Variants in KCNH8 observed in about 807,000 individuals in gnomAD.
KCNH8 encodes potassium voltage-gated channel subfamily H member 8.
A neutral mutation model predicts 103.6 loss-of-function variants in KCNH8; 70 were observed. The observed-to-expected ratio is 0.68, with a 90% CI of 0.56 to 0.82. The LOEUF is 0.82. KCNH8 is among the 40% of genes least tolerant of loss of function. The pLI is 0.00. For synonymous variants in KCNH8, 498 were observed against 489.4 expected, an observed-to-expected ratio of 1.02 and a Z score of -0.23; for missense variants, 1,217 against 1,329.9, an observed-to-expected ratio of 0.92 and a Z score of 1.32.
chr3:19,149,633 A>G (rs954546372), intron 1 of KCNH8, among the ~76,000 whole-genome samples: 4 of 152,080 alleles, frequency 2.6e-5, no homozygotes, highest in African/African-American at 9.7e-5. Flanking sequence ...TCTCTACTTG[A>G]CCCTGTGGAT....
At chr3:19,491,838 G>C (rs1474624982) in intron 11 of KCNH8, among the ~76,000 whole-genome samples, 2 of 152,116 alleles carry the variant, frequency 1.3e-5, no homozygotes, top group South Asian at 2.1e-4. Context: ...GCCAGCATCT[G>C]TTTTTTGACT....
chr3:19,236,093 A>C (rs147988007), intron 1 of KCNH8, among the ~76,000 whole-genome samples: 1 of 152,296 alleles, frequency 6.6e-6, no homozygotes, highest in South Asian at 2.1e-4. Context: ...TTAGACCTTT[A>C]AATAGTATAT....
chr3:19,452,063 A>C (rs1421800536), intron 10 of KCNH8, among the ~76,000 whole-genome samples: 4 of 152,132 alleles, frequency 2.6e-5, no homozygotes. Context: ...TGAAAATCTT[A>C]TTTACAATTT....
In KCNH8 at chr3:19,450,096, T is replaced by C; in HGVS notation, c.1376-10T>C. 3 of 1,612,018 alleles carry C rather than the reference T, an allele frequency of 1.9e-6. No homozygotes were observed. Among genetic ancestry groups the C allele is most frequent in the Non-Finnish European group, 2.5e-6 (3 of 1,178,502 alleles). On this transcript the variant is annotated splice_polypyrimidine_tract_variant and intron_variant, in intron 8 of 15. Coordinates refer to ENST00000328405, the MANE Select transcript of KCNH8 (RefSeq NM_144633.3). ...TTCTCTTCCATTATATACTGTGTTG[T>C]TCTTTCTAGCCTTGATGCACGCCTT...
chr3:19,520,613 A>G (rs1249044286), intron 15 of KCNH8, among the ~76,000 whole-genome samples: 1 of 152,010 alleles, frequency 6.6e-6, no homozygotes, highest in Non-Finnish European at 1.5e-5. Flanking sequence ...ATTTTCTACT[A>G]GTAACATGTG....
chr3:19,238,935 G>A (rs1242094529), intron 1 of KCNH8, among the ~76,000 whole-genome samples: 1 of 152,080 alleles, frequency 6.6e-6, no homozygotes, highest in Non-Finnish European at 1.5e-5. Flanking sequence ...AAATTTTAAA[G>A]GAGCAAACCT....
intron 1 of KCNH8, among the ~76,000 whole-genome samples, chr3:19,238,031 A>G (rs1384547942): frequency 1.3e-5 from 2 of 152,246 alleles, no homozygotes; most frequent in East Asian, 1.9e-4. Flanking sequence ...TGTGGGGGAC[A>G]CAATTCAAAA....
chr3:19,459,841 T>A (rs994134954), intron 11 of KCNH8, among the ~76,000 whole-genome samples: 4 of 152,122 alleles, frequency 2.6e-5, no homozygotes, highest in Non-Finnish European at 1.5e-5. Context: ...TTTGATAAAA[T>A]TTTCATGATT....
chr3:19,459,613 A>G (rs543845887), intron 11 of KCNH8, among the ~76,000 whole-genome samples: 71 of 152,132 alleles, frequency 4.7e-4, no homozygotes, highest in Non-Finnish European at 7.9e-4. Flanking sequence ...ATATAATTCA[A>G]TTTATCTGTT....
At chr3:19,283,879 G>T (rs2064791394) in intron 3 of KCNH8, among the ~76,000 whole-genome samples, 1 of 150,716 alleles carries the variant, frequency 6.6e-6, no homozygotes, top group South Asian at 2.1e-4. Context: ...GGAGGTGAAT[G>T]CTGCAGTGAC....
At chr3:19,526,261 A>C (rs538093005) in intron 15 of KCNH8, among the ~76,000 whole-genome samples, 116 of 151,996 alleles carry the variant, frequency 7.6e-4, no homozygotes, top group Admixed American at 1.5e-3. Flanking sequence ...ATGTCAACAG[A>C]TGCATTCCCC....
intron 5 of KCNH8, among the ~76,000 whole-genome samples, chr3:19,364,698 C>A (rs955844592): frequency 1.3e-5 from 2 of 151,704 alleles, no homozygotes; most frequent in African/African-American, 4.8e-5. Context: ...GGGAAAAGAC[C>A]GTGCATTGAA....
At chr3:19,238,187 C>T (rs189494794) in intron 1 of KCNH8, among the ~76,000 whole-genome samples, 3 of 152,228 alleles carry the variant, frequency 2.0e-5, no homozygotes, top group East Asian at 1.9e-4. Context: ...GCGAGATCAC[C>T]GTATTTAAGG....
At chr3:19,255,360 C>T (rs1030763751) in intron 2 of KCNH8, among the ~76,000 whole-genome samples, 1 of 152,140 alleles carries the variant, frequency 6.6e-6, no homozygotes, top group Non-Finnish European at 1.5e-5. Flanking sequence ...TAAGATGCTT[C>T]TGGGCTGAGA....
chr3:19,221,711 A>G lies in KCNH8; in HGVS notation c.77-31943A>G, dbSNP rs375248279. ...TGGTCCTAATGTATGAAAATGTCAT[A>G]TAAAGTTTAATGTCATTTGGTGGTT... is the stretch of plus-strand genomic sequence containing the variant. On this transcript the variant is annotated intron_variant, in intron 1 of 15. Transcript: ENST00000328405. Among the ~76,000 whole-genome samples, 36 of 152,310 alleles carry G rather than the reference A, an allele frequency of 2.4e-4. 2 individuals are homozygous for G. The South Asian group carries it at 2.7e-3, about 11-fold the overall frequency.
chr3:19,260,480 T>A (rs2064415752), intron 2 of KCNH8, among the ~76,000 whole-genome samples: 1 of 120,680 alleles, frequency 8.3e-6, no homozygotes, highest in Non-Finnish European at 1.7e-5. Flanking sequence ...TATGTATTAC[T>A]CTATAGGATA....
chr3:19,188,026 A>AT (rs1248494454), intron 1 of KCNH8, among the ~76,000 whole-genome samples: 1 of 152,038 alleles, frequency 6.6e-6, no homozygotes, highest in Non-Finnish European at 1.5e-5. Context: ...TCAAATATGC[A>AT]TTTTTATTTT....
In KCNH8 at chr3:19,479,542, G is replaced by C. The variant is rs542942446; in HGVS notation, c.2040+22560G>C. ...CAGATTTGTTTACTTAAACATTAGT[G>C]CTCCCTTATTCAAAGCCTATCCTTT... On this transcript the variant is annotated intron_variant, in intron 11 of 15. Coordinates refer to ENST00000328405, the MANE Select transcript of KCNH8 (RefSeq NM_144633.3). Among the ~76,000 whole-genome samples the C allele has an allele frequency of 5.3e-5, 8 of 152,206 alleles. No homozygotes were observed. In the East Asian group the frequency reaches 1.4e-3, roughly 26 times the overall value.
At chr3:19,380,955 T>G (rs2066280335) in intron 5 of KCNH8, among the ~76,000 whole-genome samples, 1 of 152,234 alleles carries the variant, frequency 6.6e-6, no homozygotes, top group African/African-American at 2.4e-5. Context: ...TGTGCTTAAG[T>G]GAGAATCTAT....
Sources: gnomAD v4.1 joint callset for allele counts (sites outside exome capture counted in the v4.1 genomes callset) on GRCh38, gnomAD v4.1.1 for gene constraint, MANE v1.5 for transcripts, NCBI Gene and HGNC (gene_info 2026-07-23, HGNC 2026-07-21) for gene names.